DHX38: variants seen among roughly 807,000 people sequenced by gnomAD.
DHX38 encodes the protein pre-mRNA-splicing factor ATP-dependent RNA helicase PRP16.
A neutral mutation model predicts 153.1 loss-of-function variants in DHX38; 100 were observed. The ratio of observed to expected loss-of-function variants is 0.65; its 90% CI spans 0.56 to 0.77. The LOEUF is 0.77. Among genes scored for constraint, DHX38 ranks in the 30% least tolerant of loss-of-function variants. The probability of loss-of-function intolerance (pLI) is 0.00; values close to 1 mark genes in which losing one functional copy is unlikely to be tolerated. For missense variants in DHX38, 1,440 were observed against 1,654.0 expected, an observed-to-expected ratio of 0.87 and a Z score of 2.24; for synonymous variants, 650 against 631.7, an observed-to-expected ratio of 1.03 and a Z score of -0.43.
chr16:72,107,763 C>T lies in DHX38; in HGVS notation c.2928C>T (p.Ser976=), dbSNP rs1407199956. ...GCTCCGAGATCCTGCTCATCGTTTC[C>T]ATGCTCTCGGTCCCAGCCATCTTCT... ...GCSSEILLIV[S]MLSVPAIFYR... The change falls in exon 21 of 27, where the codon TCC becomes TCT. Residue 976 remains serine, a synonymous_variant. Coordinates refer to ENST00000268482, the MANE Select transcript of DHX38 (RefSeq NM_014003.4). The surrounding 1 kb of genome is among the most constrained non-coding windows in gnomAD (Gnocchi z 5.3). 1.9e-6 allele frequency: 3 copies of T among 1,613,924 alleles called. No homozygotes were observed. The highest frequency in any genetic ancestry group is 2.5e-6 in the Non-Finnish European group (3 of 1,180,040).
In DHX38 at chr16:72,096,385, C is replaced by G; in HGVS notation, c.228C>G (p.Val76=). 6.2e-7 allele frequency: 1 copy of G among 1,614,184 alleles called. No homozygotes were observed. Among genetic ancestry groups the G allele is most frequent in the Middle Eastern group, 1.6e-4 (1 of 6,062 alleles). The change falls in exon 2 of 27, where the codon GTC becomes GTG. Residue 76 remains valine (V), a synonymous_variant. Transcript: ENST00000268482. Reference sequence around the variant, plus strand: ...GGGAGGACAAGAAGAAGTCCAAAGTCTCCTCCTACAAGGACTGGGAAGAGA... The same window carrying G: ...GGGAGGACAAGAAGAAGTCCAAAGTGTCCTCCTACAAGGACTGGGAAGAGA... ...DDGEDKKKSK[V]SSYKDWEESK...
At chr16:72,108,963 CCT>C (rs1395979605) in intron 24 of DHX38, 38 bp downstream of exon 24, 3 of 1,551,462 alleles carry the variant, frequency 1.9e-6, no homozygotes, top group East Asian at 2.3e-5. Flanking sequence ...ATGCAGGCCC[CCT>C]GTCTGGCCAG....
At position 72,108,305 on chromosome 16, in the gene DHX38, T is replaced by TA; in HGVS notation, c.3044dup (p.Tyr1015Ter). Residue 1015 changes from tyrosine to a stop codon, truncating the protein, a stop_gained and frameshift_variant, in exon 22 of 27, where the codon TAC (tyrosine) becomes TAAC (stop). Transcript: ENST00000268482. LOFTEE classifies it high-confidence loss of function. ...CGATCATTTGACCTACCTGAATGTT[T>TA]ACCTGCAGTGGAAGAACAATAATTA... ...ESDHLTYLNV[Y>*]LQWKNNNYST... 6.2e-7 allele frequency: 1 copy of TA among 1,614,174 alleles called. No individual in the cohort carries two copies. Among genetic ancestry groups the TA allele is most frequent in the South Asian group, 1.1e-5 (1 of 91,070 alleles).
chr16:72,104,440 C>G lies in DHX38; in HGVS notation c.2011-46C>G. ...TGCTGATGGGACTGGGGGACAGGAGCCAAGGGTCCCCACCATGGGGGCCTC... is the reference window on the plus strand; with the variant it reads ...TGCTGATGGGACTGGGGGACAGGAGGCAAGGGTCCCCACCATGGGGGCCTC... On this transcript the variant is annotated intron_variant, in intron 14 of 26. Coordinates refer to ENST00000268482, the MANE Select transcript of DHX38 (RefSeq NM_014003.4). This position sits in a 1 kb window ranked among gnomAD's most constrained non-coding sequence, Gnocchi z 4.5. The G allele has an allele frequency of 6.2e-7, 1 of 1,606,978 alleles. No homozygotes were observed. Among genetic ancestry groups the G allele is most frequent in the Non-Finnish European group, 8.5e-7 (1 of 1,178,638 alleles).
At chr16:72,105,477 C>A (rs201627330) in intron 17 of DHX38, 40 bp from the exon 18 acceptor site, 1 of 1,610,630 alleles carries the variant, frequency 6.2e-7, no homozygotes, top group Non-Finnish European at 8.5e-7. Context: ...TTTCCTGTCT[C>A]GAGGGACTCA....
rs763513848 is a variant in DHX38 at position 72,105,361 on chromosome 16, G to A, written c.2379+13G>A. On this transcript the variant is annotated intron_variant, in intron 17 of 26. Coordinates refer to ENST00000268482, the MANE Select transcript of DHX38 (RefSeq NM_014003.4). ...AATCTTCCAGAAGGTGTGTCAGCAGGAATGTCCAGGAGTGGCTCTTGGAGT... is the reference window on the plus strand; with the variant it reads ...AATCTTCCAGAAGGTGTGTCAGCAGAAATGTCCAGGAGTGGCTCTTGGAGT... 7 of 1,613,352 alleles carry A rather than the reference G, an allele frequency of 4.3e-6. No individual in the cohort carries two copies. Among genetic ancestry groups the A allele is most frequent in the African/African-American group, 1.3e-5 (1 of 74,904 alleles).
At chr16:72,095,992 G>A in intron 1 of DHX38, 147 bp from the exon 2 acceptor site, 1 of 759,980 alleles carries the variant, frequency 1.3e-6, no homozygotes, top group Non-Finnish European at 2.0e-6. Context: ...TTGATGGAAA[G>A]GTCTTGGAGA....
rs1205553417 is a variant in DHX38, at chr16:72,093,975, CCTGT to C, written c.-92_-89del. On this transcript the variant is annotated 5_prime_UTR_variant, in exon 1 of 27. Coordinates refer to ENST00000268482, the MANE Select transcript of DHX38 (RefSeq NM_014003.4). The stretch of plus-strand genomic sequence containing the variant: ...AAGGTGTGGATTTTGGCTCCTTGAG[CCTGT>C]CTGAGCGAGGGGTGGCAGCGCCGGC... 3 of 152,444 alleles carry C rather than the reference CCTGT, an allele frequency of 2.0e-5. No individual in the cohort carries two copies. Among genetic ancestry groups the C allele is most frequent in the Admixed American group, 6.5e-5 (1 of 15,280 alleles). 9.4% of individuals were successfully genotyped at this position (152,444 alleles called of 1,614,324 possible).
Position 72,107,870 on chromosome 16 carries a change from C to G in DHX38, c.2964+71C>G. 6.4e-7 allele frequency: 1 copy of G among 1,552,324 alleles called. No individual in the cohort carries two copies. The highest frequency in any genetic ancestry group is 8.7e-7 in the Non-Finnish European group (1 of 1,146,884). On this transcript the variant is annotated intron_variant, in intron 21 of 26. Coordinates refer to ENST00000268482, the MANE Select transcript of DHX38 (RefSeq NM_014003.4). This position sits in a 1 kb window ranked among gnomAD's most constrained non-coding sequence, Gnocchi z 5.3. ...TGTTGGGGAGGGGAATGGCTTCTCT[C>G]TGTATTACTGAAATGGAACAGAGGG... is the stretch of plus-strand genomic sequence containing the variant.
In DHX38 at chr16:72,104,186, C is replaced by T; in HGVS notation, c.2010+55C>T. ...GCATGGGGTGTTGACCAGTGCACCA[C>T]CAGTAGCTAGTGGGTTGCTCCAGGT... On this transcript the variant is annotated intron_variant, in intron 14 of 26. Coordinates refer to ENST00000268482, the MANE Select transcript of DHX38 (RefSeq NM_014003.4). The surrounding 1 kb of genome is among the most constrained non-coding windows in gnomAD (Gnocchi z 4.5). 4 of 1,584,680 alleles carry T rather than the reference C, an allele frequency of 2.5e-6. No homozygotes were observed. Among genetic ancestry groups the T allele is most frequent in the Non-Finnish European group, 3.4e-6 (4 of 1,160,734 alleles).
chr16:72,099,393 C>A, intron 7 of DHX38, 113 bp downstream of exon 7: 1 of 980,656 alleles, frequency 1.0e-6, no homozygotes, highest in Non-Finnish European at 1.5e-6. Context: ...TGTTCAGACC[C>A]AATGCCCTGG....
At chr16:72,102,980 C>T (rs1202773911) in intron 11 of DHX38, 94 bp from the exon 12 acceptor site, 2 of 1,535,084 alleles carry the variant, frequency 1.3e-6, no homozygotes, top group Admixed American at 1.9e-5. Flanking sequence ...TGCCGAAGTC[C>T]TCATTCCTGA....
intron 18 of DHX38, 132 bp downstream of exon 18, chr16:72,105,756 G>C (rs2042167248): frequency 5.6e-6 from 5 of 885,078 alleles, no homozygotes; most frequent in Non-Finnish European, 7.3e-6. Flanking sequence ...GTGGTGGGAG[G>C]CTCACATTGA....
intron 11 of DHX38, among the ~76,000 whole-genome samples, chr16:72,102,519 A>C (rs1191663777): frequency 6.6e-6 from 1 of 152,088 alleles, no homozygotes; most frequent in East Asian, 1.9e-4. Flanking sequence ...TCAGACATTG[A>C]GAGCTTTCAG....
chr16:72,096,858 T>C lies in DHX38; in HGVS notation c.360T>C (p.His120=), dbSNP rs372428319. ...YRSARVETPS[H]PGGVSEEFWE... ...CTGCTCGGGTAGAGACTCCATCCCA[T>C]CCGGGTGGTGTGAGCGAAGAGTTTT... The change falls in exon 3 of 27, where the codon CAT becomes CAC. Residue 120 remains histidine, a synonymous_variant. Transcript: ENST00000268482. The C allele has an allele frequency of 6.8e-6, 11 of 1,613,820 alleles. No individual in the cohort carries two copies. The highest frequency in any genetic ancestry group is 2.2e-5 in the East Asian group (1 of 44,882).
intron 11 of DHX38, 104 bp downstream of exon 11, chr16:72,101,716 A>C (rs1231055704): frequency 1.2e-6 from 1 of 834,078 alleles, no homozygotes; most frequent in Non-Finnish European, 1.9e-6. Flanking sequence ...TGAGTGGGAG[A>C]CTCTTAGGAT....
intron 12 of DHX38, 74 bp downstream of exon 12, chr16:72,103,285 C>G (rs570634349): frequency 2.5e-4 from 385 of 1,551,738 alleles, no homozygotes; most frequent in Non-Finnish European, 3.2e-4. Flanking sequence ...TACCCAGGAG[C>G]TCTTTTTCTT....
At position 72,099,274 on chromosome 16, in the gene DHX38, C is replaced by T. The variant is rs746035585; in HGVS notation, c.954C>T (p.Asp318=). Residue 318 remains aspartate, a synonymous_variant, in exon 7 of 27, where the codon GAC becomes GAT. Transcript: ENST00000268482. ...TEEERQQWED[D]QRQADRDWYM... is the part of the protein sequence containing the mutation. ...AGGAGCGGCAGCAGTGGGAAGATGA[C>T]CAGAGGGTAAAGTTTTATACCTCTG... The T allele has an allele frequency of 6.2e-7, 1 of 1,610,620 alleles. No homozygotes were observed. The highest frequency in any genetic ancestry group is 8.5e-7 in the Non-Finnish European group (1 of 1,178,614).
chr16:72,109,978 C>T (rs779864704), intron 25 of DHX38, among the ~76,000 whole-genome samples: 4 of 152,158 alleles, frequency 2.6e-5, no homozygotes, highest in Non-Finnish European at 4.4e-5. Flanking sequence ...CGTTATCACT[C>T]ATAAAAAAAT....
Sources: gnomAD v4.1 joint callset for allele counts (sites outside exome capture counted in the v4.1 genomes callset) on GRCh38, gnomAD v4.1.1 for gene constraint, Gnocchi (gnomAD v3.1) non-coding constraint, MANE v1.5 for transcripts, NCBI Gene and HGNC (gene_info 2026-07-23, HGNC 2026-07-21) for gene names.